The following ROGDI variants were observed in gnomAD, a reference collection of about 807,000 sequenced individuals.
ROGDI encodes rogdi atypical leucine zipper.
ROGDI carries 46 observed loss-of-function variants against 43.1 expected under a neutral mutation model. That is an observed-to-expected ratio of 1.07 (90% CI 0.84 to 1.37). ROGDI has a LOEUF of 1.37. ROGDI is among the 40% of genes most tolerant of loss of function. The pLI, the probability that ROGDI is intolerant of heterozygous loss-of-function variation, is 0.00. For synonymous variants in ROGDI, 243 were observed against 162.0 expected (o/e 1.50, Z -3.80); for missense variants, 518 against 383.9 (o/e 1.35, Z -2.92).
At chr16:4,800,747 G>A (rs2082705146) in intron 4 of ROGDI, 169 bp from the exon 5 acceptor site, 1 of 604,182 alleles carries the variant, frequency 1.7e-6, no homozygotes, top group Non-Finnish European at 3.0e-6. Context: ...GTTGAACAGG[G>A]AGGTCAGGAA....
rs370712339 is a variant in ROGDI, at chr16:4,802,244, G to C, written c.117+138C>G. 1.4e-3 allele frequency: 1,136 copies of C among 793,282 alleles called. 10 individuals carry two copies. In the African/African-American group the frequency reaches 0.018, roughly 13 times the overall value. 49.1% of individuals were successfully genotyped at this position (793,282 alleles called of 1,614,324 possible). A position where few individuals can be genotyped will look rare whatever the true frequency, so the allele number is the denominator to read the frequency against. ...TATAATGAGGTCGGCTCGAGTTCGC[G>C]GAGGCGGGGCCCTGCCTGAAAGCCG... On this transcript the variant is annotated intron_variant, in intron 2 of 10. Transcript: ENST00000322048.
chr16:4,801,105 G>A, intron 4 of ROGDI, 162 bp downstream of exon 4: 1 of 582,682 alleles, frequency 1.7e-6, no homozygotes, highest in Non-Finnish European at 3.0e-6. Context: ...ACCGATCCCG[G>A]GAGAAGGTGT....
chr16:4,799,008 G>A (rs2082687578), intron 6 of ROGDI, among the ~76,000 whole-genome samples: 1 of 152,176 alleles, frequency 6.6e-6, no homozygotes, highest in Admixed American at 6.5e-5. Context: ...TAAAGGGCCA[G>A]AGAGGGCTTC....
At position 4,798,667 on chromosome 16, in the gene ROGDI, G is replaced by T. The variant is rs866830423; in HGVS notation, c.433C>A (p.Leu145Met). The change falls in exon 7 of 11, where the codon CTG becomes ATG. Residue 145 changes from leucine (L) to methionine (M), a missense_variant and splice_region_variant. By Grantham distance (15) the Leu-to-Met change is conservative. Transcript: ENST00000322048. ...QFKTGAEVLK[L>M]MDAVMLQLTR... ...AGCTGCAGCATCACTGCGTCCATCA[G>T]CTGCAGGGAGAGGCGGGGTTGGCTC... 1 of 1,561,270 alleles carries T rather than the reference G, an allele frequency of 6.4e-7. No homozygotes were observed.
Position 4,797,259 on chromosome 16 carries a change from C to A in ROGDI, c.*201G>T. 1 of 576,780 alleles carries A rather than the reference C, an allele frequency of 1.7e-6. No homozygotes were observed. Among genetic ancestry groups the A allele is most frequent in the Non-Finnish European group, 3.1e-6 (1 of 325,554 alleles). The allele number at this position is 576,780 out of a possible 1,614,324, so 35.7% of individuals were successfully genotyped here. A position where few individuals can be genotyped will look rare whatever the true frequency, so the allele number is the denominator to read the frequency against. On this transcript the variant is annotated 3_prime_UTR_variant, in exon 11 of 11. Coordinates refer to ENST00000322048, the MANE Select transcript of ROGDI (RefSeq NM_024589.3). ...ACCCTTGGCCCCGCCTCCCTGACCT[C>A]CCCACTACCCCACCAAACCAGCCTT...
rs749431645 is a variant in ROGDI, at chr16:4,797,989, T to C, written c.646-2A>G. Reference sequence around the variant, plus strand: ...CGCGCCCCCAGCTGGGCGGAAGTTCTAGGGAGAACAGCACCAGACCCGTCA... The same window carrying C: ...CGCGCCCCCAGCTGGGCGGAAGTTCCAGGGAGAACAGCACCAGACCCGTCA... On this transcript the variant is annotated splice_acceptor_variant, in intron 8 of 10. Transcript: ENST00000322048. LOFTEE classifies it high-confidence loss of function. 1 of 1,611,608 alleles carries C rather than the reference T, an allele frequency of 6.2e-7. No homozygotes were observed. Among genetic ancestry groups the C allele is most frequent in the South Asian group, 1.1e-5 (1 of 90,984 alleles).
At chr16:4,800,709 G>T (rs1182972128) in intron 4 of ROGDI, 131 bp from the exon 5 acceptor site, 2 of 720,638 alleles carry the variant, frequency 2.8e-6, no homozygotes, top group Non-Finnish European at 4.7e-6. Context: ...TAGGGCAGAG[G>T]GTCTCCCAAT....
chr16:4,798,200 G>A lies in ROGDI; in HGVS notation c.532-16C>T. 6.2e-7 allele frequency: 1 copy of A among 1,605,194 alleles called. No individual in the cohort carries two copies. The highest frequency in any genetic ancestry group is 8.5e-7 in the Non-Finnish European group (1 of 1,173,996). ...CGAACATCCGCTGCGGGAGGCAGGTGGGATGAGGCCCTCGCAAGCCCCCAG... is the reference window on the plus strand; with the variant it reads ...CGAACATCCGCTGCGGGAGGCAGGTAGGATGAGGCCCTCGCAAGCCCCCAG... On this transcript the variant is annotated splice_polypyrimidine_tract_variant and intron_variant, in intron 7 of 10. Transcript: ENST00000322048.
At chr16:4,797,610 C>T in intron 10 of ROGDI, 104 bp downstream of exon 10, 1 of 1,595,050 alleles carries the variant, frequency 6.3e-7, no homozygotes, top group Admixed American at 1.7e-5. Flanking sequence ...TGCTGCCTCG[C>T]AGTGCTGTGG....
At chr16:4,797,894 G>A (rs1276189037) in intron 9 of ROGDI, 44 bp downstream of exon 9, 3 of 1,603,288 alleles carry the variant, frequency 1.9e-6, no homozygotes, top group Non-Finnish European at 2.6e-6. Context: ...AGGTGTGGAG[G>A]GATGGGGTGG....
Position 4,797,318 on chromosome 16 carries a change from G to T in ROGDI, c.*142C>A. On this transcript the variant is annotated 3_prime_UTR_variant, in exon 11 of 11. Transcript: ENST00000322048. ...CTGGCACTTCCAGTGTCCATTCCCG[G>T]CAGTGCAAATGTGTTAGGTGGGGTA... The T allele has an allele frequency of 1.4e-6, 1 of 726,430 alleles. No individual in the cohort carries two copies. The highest frequency in any genetic ancestry group is 2.3e-6 in the Non-Finnish European group (1 of 444,194). 45.0% of individuals were successfully genotyped at this position (726,430 alleles called of 1,614,324 possible).
chr16:4,799,564 C>A, intron 6 of ROGDI, 122 bp downstream of exon 6: 1 of 634,134 alleles, frequency 1.6e-6, no homozygotes, highest in Non-Finnish European at 2.8e-6. Context: ...GACACAGAGT[C>A]GGCAGGTAAG....
intron 7 of ROGDI, 112 bp downstream of exon 7, chr16:4,798,457 G>A: frequency 2.2e-6 from 2 of 893,078 alleles, no homozygotes; most frequent in Non-Finnish European, 3.3e-6. Context: ...TGCCTAGACA[G>A]AATATTCCAC....
intron 2 of ROGDI, chr16:4,802,138 C>T: frequency 1.5e-6 from 1 of 655,176 alleles, no homozygotes; most frequent in East Asian, 3.0e-5. Flanking sequence ...AGGCGGCCTT[C>T]CCCGACCCGA....
intron 10 of ROGDI, 37 bp from the exon 11 acceptor site, chr16:4,797,538 G>A: frequency 7.9e-7 from 1 of 1,269,258 alleles, no homozygotes; most frequent in Non-Finnish European, 1.0e-6. Context: ...TGCTGAAGGG[G>A]GATGGGGTAG....
At chr16:4,798,036 G>C in intron 8 of ROGDI, 35 bp downstream of exon 8, 1 of 1,613,574 alleles carries the variant, frequency 6.2e-7, no homozygotes, top group Non-Finnish European at 8.5e-7. Flanking sequence ...GCGTGTGCAT[G>C]GCGGGCAGTG....
chr16:4,797,169 C>A lies in ROGDI; in HGVS notation c.*291G>T. 2.6e-6 allele frequency: 1 copy of A among 380,860 alleles called. No individual in the cohort carries two copies. The highest frequency in any genetic ancestry group is 4.8e-6 in the Non-Finnish European group (1 of 206,214). The allele number at this position is 380,860 out of a possible 1,614,324, so 23.6% of individuals were successfully genotyped here. On this transcript the variant is annotated 3_prime_UTR_variant, in exon 11 of 11. Coordinates refer to ENST00000322048, the MANE Select transcript of ROGDI (RefSeq NM_024589.3). ...AGGGGAGAGGAGGGAGAGCCCTGCGCCTGGCCCTGTCCTGAGTCCAAAGAT... is the reference window on the plus strand; with the variant it reads ...AGGGGAGAGGAGGGAGAGCCCTGCGACTGGCCCTGTCCTGAGTCCAAAGAT...
rs756155978 is a variant in ROGDI at position 4,797,737 on chromosome 16, G to A, written c.799C>T (p.Leu267Phe). 4 of 1,614,086 alleles carry A rather than the reference G, an allele frequency of 2.5e-6. No individual in the cohort carries two copies. Among genetic ancestry groups the A allele is most frequent in the Non-Finnish European group, 3.4e-6 (4 of 1,180,004 alleles). ...ALVYFTVSLQ[L>F]CQQLKDKISV... Reference sequence around the variant, plus strand: ...ACCTTGTCCTTGAGCTGCTGGCAGAGCTGCAGGGAGACGGTGAAGTAGACC... The same window carrying A: ...ACCTTGTCCTTGAGCTGCTGGCAGAACTGCAGGGAGACGGTGAAGTAGACC... The change falls in exon 10 of 11, where the codon CTC (leucine) becomes TTC (phenylalanine). Residue 267 changes from leucine to phenylalanine, a missense_variant. Transcript: ENST00000322048.
intron 2 of ROGDI, 28 bp downstream of exon 2, chr16:4,802,354 C>A (rs1435885521): frequency 1.9e-6 from 3 of 1,547,110 alleles, no homozygotes; most frequent in Non-Finnish European, 2.6e-6. Context: ...GGCCGCCACG[C>A]CCGGCGGGGC....
Sources: gnomAD v4.1 joint callset for allele counts (sites outside exome capture counted in the v4.1 genomes callset) on GRCh38, gnomAD v4.1.1 for gene constraint, MANE v1.5 for transcripts, NCBI Gene and HGNC (gene_info 2026-07-23, HGNC 2026-07-21) for gene names.